JAKMIP2: variants seen among roughly 807,000 people sequenced by gnomAD.
The protein encoded by JAKMIP2 is janus kinase and microtubule interacting protein 2, also known as janus kinase and microtubule-interacting protein 2.
In JAKMIP2, 25 loss-of-function variants were observed where a neutral mutation model predicts 115.0. That is an observed-to-expected ratio of 0.22 (90% confidence interval 0.16 to 0.30). The LOEUF (loss-of-function observed/expected upper bound fraction) is 0.30, where lower values mean the gene tolerates loss of function less well. Among genes scored for constraint, JAKMIP2 ranks in the 10% least tolerant of loss-of-function variants. The pLI is 1.00. For synonymous variants in JAKMIP2, 334 were observed against 343.6 expected, an observed-to-expected ratio of 0.97 and a Z score of 0.31; for missense variants, 642 against 957.6, an observed-to-expected ratio of 0.67 and a Z score of 4.35.
intron 6 of JAKMIP2, among the ~76,000 whole-genome samples, chr5:147,644,639 A>C (rs1017571852): frequency 9.9e-5 from 15 of 152,170 alleles, no homozygotes; most frequent in African/African-American, 3.1e-4. Flanking sequence ...AATTCCTGGA[A>C]GCACTCCTAC....
At chr5:147,749,525 T>C (rs1754474574) in intron 1 of JAKMIP2, among the ~76,000 whole-genome samples, 2 of 152,296 alleles carry the variant, frequency 1.3e-5, no homozygotes, top group African/African-American at 4.8e-5. Context: ...CTCTTAGTGG[T>C]AGCTACTTCT....
At chr5:147,625,217 G>GA (rs1315845698) in intron 16 of JAKMIP2, among the ~76,000 whole-genome samples, 1 of 152,100 alleles carries the variant, frequency 6.6e-6, no homozygotes. Context: ...CTGAGCTCAG[G>GA]CAATCCAGCC....
chr5:147,721,326 G>C (rs1753275240), intron 1 of JAKMIP2, among the ~76,000 whole-genome samples: 1 of 152,212 alleles, frequency 6.6e-6, no homozygotes. Flanking sequence ...TGCCCCCAGA[G>C]GTGGAGCCTA....
chr5:147,602,822 T>G (rs1755777984), intron 20 of JAKMIP2, among the ~76,000 whole-genome samples: 1 of 152,226 alleles, frequency 6.6e-6, no homozygotes, highest in Non-Finnish European at 1.5e-5. Context: ...TCTCATATTG[T>G]GAATGTTATT....
At chr5:147,736,385 G>T (rs1037360681) in intron 1 of JAKMIP2, among the ~76,000 whole-genome samples, 1 of 152,062 alleles carries the variant, frequency 6.6e-6, no homozygotes, top group South Asian at 2.1e-4. Context: ...TTGAACCTGG[G>T]GGGTGGAGGT....
intron 1 of JAKMIP2, among the ~76,000 whole-genome samples, chr5:147,685,100 A>G (rs1760505474): frequency 6.6e-6 from 1 of 152,192 alleles, no homozygotes; most frequent in African/African-American, 2.4e-5. Context: ...AGTTAATAGG[A>G]GGTCAATCCC....
Position 147,618,082 on chromosome 5 carries a change from A to G in JAKMIP2, c.2175T>C (p.Asn725=), listed in dbSNP as rs1561850193. Residue 725 remains asparagine, a synonymous_variant, in exon 19 of 22, where the codon AAT becomes AAC. Transcript: ENST00000616793. ...RIQELEATLY[N]ALQQETVIKF... is the part of the protein sequence containing the mutation. ...TGATAACAGTTTCTTGCTGTAGAGCATTGTACAAAGTAGCTTCTAGTTCCT... is the reference window on the plus strand; with the variant it reads ...TGATAACAGTTTCTTGCTGTAGAGCGTTGTACAAAGTAGCTTCTAGTTCCT... 1 of 1,614,094 alleles carries G rather than the reference A, an allele frequency of 6.2e-7. No homozygotes were observed. The highest frequency in any genetic ancestry group is 8.5e-7 in the Non-Finnish European group (1 of 1,179,922).
intron 1 of JAKMIP2, among the ~76,000 whole-genome samples, chr5:147,707,697 A>G (rs1752632853): frequency 6.6e-6 from 1 of 152,168 alleles, no homozygotes; most frequent in Non-Finnish European, 1.5e-5. Context: ...CACCCTTCCT[A>G]AACATTTGAC....
rs900167222 is a variant in JAKMIP2 at position 147,671,553 on chromosome 5, C to T, written c.129+125G>A. The T allele has an allele frequency of 5.8e-5, 38 of 658,144 alleles. No homozygotes were observed. The South Asian group carries it at 8.3e-4, about 14-fold the overall frequency. 40.8% of individuals were successfully genotyped at this position (658,144 alleles called of 1,614,324 possible). On this transcript the variant is annotated intron_variant, in intron 2 of 21. Transcript: ENST00000616793. The stretch of plus-strand genomic sequence containing the variant: ...ATAAGCTCTCCATGTTTACAGGGGA[C>T]GTTGCCCTCTCTGGCAAAGGGCAGG...
intron 1 of JAKMIP2, among the ~76,000 whole-genome samples, chr5:147,724,438 TAAC>T (rs1753436133): frequency 6.6e-6 from 1 of 152,190 alleles, no homozygotes; most frequent in South Asian, 2.1e-4. Context: ...AATAACATAA[TAAC>T]AATAAAAAGA....
At chr5:147,666,055 A>G (rs1183176840) in intron 2 of JAKMIP2, among the ~76,000 whole-genome samples, 1 of 152,222 alleles carries the variant, frequency 6.6e-6, no homozygotes, top group Non-Finnish European at 1.5e-5. Flanking sequence ...AGAAAATTCA[A>G]AGGAACTGAG....
chr5:147,723,768 A>G (rs1230232997), intron 1 of JAKMIP2, among the ~76,000 whole-genome samples: 1 of 152,154 alleles, frequency 6.6e-6, no homozygotes, highest in East Asian at 1.9e-4. Flanking sequence ...CTTAAAAAGT[A>G]CTCATTCTGT....
At chr5:147,668,985 T>C (rs897139365) in intron 2 of JAKMIP2, among the ~76,000 whole-genome samples, 2 of 152,162 alleles carry the variant, frequency 1.3e-5, no homozygotes, top group South Asian at 4.1e-4. Flanking sequence ...GTGGGATTAT[T>C]TGTCTTGCTG....
At position 147,644,868 on chromosome 5, in the gene JAKMIP2, G is replaced by T; in HGVS notation, c.1065C>A (p.Thr355=). ...QRMEEKLKAV[T]KENSEMREKI... ...TACACACCATTTCTGAATTTTCCTT[G>T]GTAACGGCTTTTAGTTTTTCTTCCA... Residue 355 remains threonine (T), a synonymous_variant, in exon 6 of 22, where the codon ACC becomes ACA. Coordinates refer to ENST00000616793, the MANE Select transcript of JAKMIP2 (RefSeq NM_001270941.2). The T allele has an allele frequency of 1.2e-6, 2 of 1,613,348 alleles. No individual in the cohort carries two copies. The highest frequency in any genetic ancestry group is 1.7e-6 in the Non-Finnish European group (2 of 1,179,804).
chr5:147,658,090 G>A (rs995983969), intron 3 of JAKMIP2, among the ~76,000 whole-genome samples: 10 of 152,002 alleles, frequency 6.6e-5, no homozygotes, highest in African/African-American at 2.4e-4. Context: ...GAGGCATTCT[G>A]GCTTTTGCGA....
chr5:147,717,329 G>A (rs1157027229), intron 1 of JAKMIP2, among the ~76,000 whole-genome samples: 2 of 146,472 alleles, frequency 1.4e-5, no homozygotes, highest in African/African-American at 2.5e-5. Context: ...GGCAATGCGG[G>A]CTCTTTTTTG....
intron 1 of JAKMIP2, among the ~76,000 whole-genome samples, chr5:147,712,886 G>C (rs1752837152): frequency 6.6e-6 from 1 of 152,164 alleles, no homozygotes; most frequent in South Asian, 2.1e-4. Flanking sequence ...TAACCTTTTA[G>C]AGAATGCTAA....
intron 1 of JAKMIP2, among the ~76,000 whole-genome samples, chr5:147,722,103 A>T (rs1172070686): frequency 2.6e-5 from 4 of 152,194 alleles, no homozygotes; most frequent in Non-Finnish European, 5.9e-5. Context: ...TTTTAAAGAC[A>T]AGGAACAGAA....
intron 1 of JAKMIP2, among the ~76,000 whole-genome samples, chr5:147,724,268 T>A (rs1165158227): frequency 6.6e-6 from 1 of 152,224 alleles, no homozygotes; most frequent in East Asian, 1.9e-4. Flanking sequence ...AGGTGCCATA[T>A]GCTTACAAAT....
Sources: gnomAD v4.1 joint callset for allele counts (sites outside exome capture counted in the v4.1 genomes callset) on GRCh38, gnomAD v4.1.1 for gene constraint, MANE v1.5 for transcripts, NCBI Gene and HGNC (gene_info 2026-07-23, HGNC 2026-07-21) for gene names.